CACNA1D: variants seen among roughly 807,000 people sequenced by gnomAD.
CACNA1D encodes the protein calcium voltage-gated channel subunit alpha1 D.
CACNA1D carries 55 observed loss-of-function variants against 257.1 expected under a neutral mutation model. The ratio of observed to expected loss-of-function variants is 0.21; its 90% CI spans 0.17 to 0.27. The LOEUF (loss-of-function observed/expected upper bound fraction) is 0.27, where lower values mean the gene tolerates loss of function less well. Among genes scored for constraint, CACNA1D ranks in the 10% least tolerant of loss-of-function variants. The pLI, the probability that CACNA1D is intolerant of heterozygous loss-of-function variation, is 1.00. For synonymous variants in CACNA1D, 980 were observed against 1,014.9 expected, an observed-to-expected ratio of 0.97 and a Z score of 0.65; for missense variants, 1,876 against 2,784.0, an observed-to-expected ratio of 0.67 and a Z score of 7.34.
Position 53,774,462 on chromosome 3 carries a change from G to A in CACNA1D, c.4111-125G>A. ...GGCAGATCTTTTTTGAATGAGTGAA[G>A]TGCCAGGTACCATGAGAAAACCCTA... On this transcript the variant is annotated intron_variant, in intron 33 of 47. Transcript: ENST00000350061. This position sits in a 1 kb window ranked among gnomAD's most constrained non-coding sequence, Gnocchi z 4.3. 2.8e-6 allele frequency: 2 copies of A among 703,124 alleles called. No homozygotes were observed. Among genetic ancestry groups the A allele is most frequent in the East Asian group, 2.6e-5 (1 of 38,912 alleles). The allele number at this position is 703,124 out of a possible 1,614,324, so 43.6% of individuals were successfully genotyped here. A position where few individuals can be genotyped will look rare whatever the true frequency, so the allele number is the denominator to read the frequency against.
rs2090290591 is a variant in CACNA1D, at chr3:53,495,142, G to A, written c.-25G>A. ...CGCCCAGCACAGTGCCCTGCACACA[G>A]TAGTCGCTCAATAAATGTTCGTGGA... On this transcript the variant is annotated 5_prime_UTR_variant, in exon 1 of 48. Transcript: ENST00000350061. The surrounding 1 kb of genome is among the most constrained non-coding windows in gnomAD (Gnocchi z 5.1). 3 of 1,460,462 alleles carry A rather than the reference G, an allele frequency of 2.1e-6. No individual in the cohort carries two copies. The highest frequency in any genetic ancestry group is 2.8e-6 in the Non-Finnish European group (3 of 1,071,196). 90.5% of individuals were successfully genotyped at this position (1,460,462 alleles called of 1,614,324 possible). A position where few individuals can be genotyped will look rare whatever the true frequency, so the allele number is the denominator to read the frequency against.
At chr3:53,779,563 C>T (rs1321760461) in intron 37 of CACNA1D, among the ~76,000 whole-genome samples, 1 of 152,296 alleles carries the variant, frequency 6.6e-6, no homozygotes, top group Non-Finnish European at 1.5e-5. Context: ...GGTGTCCACT[C>T]TGAGTAAAGT....
intron 45 of CACNA1D, 143 bp downstream of exon 45, chr3:53,805,289 T>C: frequency 1.3e-6 from 1 of 742,868 alleles, no homozygotes; most frequent in East Asian, 2.6e-5. Flanking sequence ...AGCCAGAGAG[T>C]GTGTCTGCTT....
At chr3:53,732,755 T>G (rs1409773884) in intron 18 of CACNA1D, 60 bp from the exon 19 acceptor site, 1 of 1,495,692 alleles carries the variant, frequency 6.7e-7, no homozygotes, top group Admixed American at 1.7e-5. Flanking sequence ...AAATTAAGAA[T>G]AATTCAAACC....
At position 53,751,955 on chromosome 3, in the gene CACNA1D, GC is replaced by G. The variant is rs760454500; in HGVS notation, c.3675+52del. The G allele has an allele frequency of 6.3e-7, 1 of 1,576,130 alleles. No individual in the cohort carries two copies. The highest frequency in any genetic ancestry group is 8.7e-7 in the Non-Finnish European group (1 of 1,145,616). ...GGATCAGGTCCGGGCATTCCGCACA[GC>G]CCCGTGCCCCAAATGCTGAGGGTGG... On this transcript the variant is annotated intron_variant, in intron 28 of 47. Coordinates refer to ENST00000350061, the MANE Select transcript of CACNA1D (RefSeq NM_001128840.3). The surrounding 1 kb of genome is among the most constrained non-coding windows in gnomAD (Gnocchi z 4.3).
At chr3:53,711,650 T>A (rs1056567206) in intron 9 of CACNA1D, among the ~76,000 whole-genome samples, 6 of 152,204 alleles carry the variant, frequency 3.9e-5, no homozygotes, top group African/African-American at 9.6e-5. Context: ...CACTGTACTC[T>A]TTTCTTTGAA....
rs1189099359 is a variant in CACNA1D at position 53,720,710 on chromosome 3, T to A, written c.1505+929T>A. Among the ~76,000 whole-genome samples the A allele has an allele frequency of 2.0e-5, 3 of 152,232 alleles. No homozygotes were observed. The East Asian group carries it at 5.8e-4, about 29-fold the overall frequency. ...TCACAGTTAGATACCACTACACATC[T>A]ATTAGAGTGAATCAGATTTAAATAT... On this transcript the variant is annotated intron_variant, in intron 11 of 47. Coordinates refer to ENST00000350061, the MANE Select transcript of CACNA1D (RefSeq NM_001128840.3).
chr3:53,714,140 C>T (rs1351613669), intron 9 of CACNA1D, among the ~76,000 whole-genome samples: 1 of 152,218 alleles, frequency 6.6e-6, no homozygotes, highest in Admixed American at 6.5e-5. Context: ...TCTAACAAAG[C>T]TCTAACATTC....
At chr3:53,505,482 T>C (rs1451937448) in intron 3 of CACNA1D, among the ~76,000 whole-genome samples, 1 of 152,214 alleles carries the variant, frequency 6.6e-6, no homozygotes, top group Non-Finnish European at 1.5e-5. Context: ...TCCCCAGCCA[T>C]GCCTGATGCA....
chr3:53,760,369 T>C (rs2095293979), intron 29 of CACNA1D, among the ~76,000 whole-genome samples: 1 of 152,224 alleles, frequency 6.6e-6, no homozygotes, highest in Non-Finnish European at 1.5e-5. Context: ...CACAAGTTTC[T>C]GGGACCTGAC....
intron 9 of CACNA1D, among the ~76,000 whole-genome samples, chr3:53,709,790 C>T (rs1378142721): frequency 6.6e-6 from 1 of 152,192 alleles, no homozygotes; most frequent in Admixed American, 6.5e-5. Context: ...TGTGCCTTGC[C>T]AAAGCTGGGC....
intron 3 of CACNA1D, among the ~76,000 whole-genome samples, chr3:53,587,077 C>A (rs2093231330): frequency 1.3e-5 from 2 of 152,042 alleles, no homozygotes; most frequent in Admixed American, 1.3e-4. Context: ...AGGATGAGTG[C>A]TTTGGTTTGT....
intron 8 of CACNA1D, among the ~76,000 whole-genome samples, chr3:53,674,955 T>C (rs2094359914): frequency 1.3e-5 from 2 of 152,238 alleles, no homozygotes; most frequent in Non-Finnish European, 2.9e-5. Flanking sequence ...GATGTCTTCA[T>C]GTATGCTGAG....
chr3:53,690,099 CA>C (rs749727231), intron 8 of CACNA1D, among the ~76,000 whole-genome samples: 33 of 152,132 alleles, frequency 2.2e-4, no homozygotes, highest in Admixed American at 6.5e-4. Flanking sequence ...TCAATTTTCT[CA>C]AAATTTACAC....
intron 3 of CACNA1D, among the ~76,000 whole-genome samples, chr3:53,615,947 T>A (rs2093632025): frequency 6.6e-6 from 1 of 152,214 alleles, no homozygotes; most frequent in Non-Finnish European, 1.5e-5. Context: ...AGCTGGCCTG[T>A]CAGTTCTCAT....
chr3:53,509,138 G>C (rs1404437622), intron 3 of CACNA1D, among the ~76,000 whole-genome samples: 1 of 152,196 alleles, frequency 6.6e-6, no homozygotes, highest in African/African-American at 2.4e-5. Flanking sequence ...TATTCTCCCA[G>C]CTGGGGTTCC....
At chr3:53,663,805 T>TG (rs1362996735) in intron 5 of CACNA1D, among the ~76,000 whole-genome samples, 4 of 150,614 alleles carry the variant, frequency 2.7e-5, no homozygotes, top group South Asian at 2.1e-4. Context: ...CTCTTTTTTT[T>TG]GGAGACGAAG....
At chr3:53,691,653 AGT>A (rs562094435) in intron 8 of CACNA1D, among the ~76,000 whole-genome samples, 123 of 129,010 alleles carry the variant, frequency 9.5e-4, no homozygotes, top group African/African-American at 3.3e-3. Flanking sequence ...TTTCTGTGTG[AGT>A]GTGTGTGTGT....
intron 3 of CACNA1D, among the ~76,000 whole-genome samples, chr3:53,568,661 A>G (rs1448889087): frequency 6.6e-6 from 1 of 152,184 alleles, no homozygotes; most frequent in Non-Finnish European, 1.5e-5. Flanking sequence ...TCCTGCTGTC[A>G]GCTTTTTCTT....
Sources: gnomAD v4.1 joint callset for allele counts (sites outside exome capture counted in the v4.1 genomes callset) on GRCh38, gnomAD v4.1.1 for gene constraint, Gnocchi (gnomAD v3.1) non-coding constraint, MANE v1.5 for transcripts, NCBI Gene and HGNC (gene_info 2026-07-23, HGNC 2026-07-21) for gene names.